The following ANK3 variants were observed in gnomAD, a reference collection of about 807,000 sequenced individuals.
ANK3 encodes the protein ankyrin 3.
ANK3 carries 57 observed loss-of-function variants against 370.9 expected under a neutral mutation model. That is an observed-to-expected ratio of 0.15 (90% CI 0.12 to 0.19). ANK3 has a LOEUF of 0.19. Ranked by LOEUF, ANK3 falls within the 10% of genes least tolerant of loss-of-function variation. ANK3 has a pLI of 1.00. For synonymous variants in ANK3, 1,929 were observed against 1,946.3 expected, an observed-to-expected ratio of 0.99 and a Z score of 0.23; for missense variants, 4,439 against 5,302.1, an observed-to-expected ratio of 0.84 and a Z score of 5.06.
chr10:60,253,309 T>C (rs17806245), intron 7 of ANK3, among the ~76,000 whole-genome samples: 13,406 of 152,126 alleles, frequency 0.088, 793 homozygotes, highest in South Asian at 0.17. Flanking sequence ...TGGACCACAT[T>C]AGTGATTGAT....
At chr10:60,655,211 A>G (rs57964476) in intron 1 of ANK3, among the ~76,000 whole-genome samples, 2 of 151,524 alleles carry the variant, frequency 1.3e-5, no homozygotes, top group South Asian at 4.2e-4. Context: ...TATTTAAAAA[A>G]AAAAAAGAAA....
At chr10:60,610,223 G>T (rs1248596343) in intron 2 of ANK3, among the ~76,000 whole-genome samples, 1 of 152,086 alleles carries the variant, frequency 6.6e-6, no homozygotes, top group Non-Finnish European at 1.5e-5. Context: ...GGCAAGGAGG[G>T]CCCCTTTTGT....
Position 60,170,876 on chromosome 10 carries a change from A to G in ANK3, c.2478+1432T>C, listed in dbSNP as rs141380752. Among the ~76,000 whole-genome samples the G allele has an allele frequency of 2.1e-3, 327 of 152,338 alleles. 3 individuals are homozygous for G. The highest frequency in any genetic ancestry group is 7.6e-3 in the African/African-American group (314 of 41,584). The stretch of plus-strand genomic sequence containing the variant: ...TGTAATGGGTGAGAAAGCCATTTAC[A>G]TTCAACCAAATAAGATGTGTATTTT... On this transcript the variant is annotated intron_variant, in intron 21 of 43. Coordinates refer to ENST00000280772, the MANE Select transcript of ANK3 (RefSeq NM_020987.5).
intron 25 of ANK3, among the ~76,000 whole-genome samples, chr10:60,120,479 T>C (rs780840431): frequency 2.0e-5 from 3 of 151,898 alleles, no homozygotes; most frequent in Non-Finnish European, 4.4e-5. Context: ...TCACATCAAG[T>C]TGAAAAGCTT....
intron 7 of ANK3, among the ~76,000 whole-genome samples, chr10:60,254,666 G>A (rs1467839828): frequency 6.6e-6 from 1 of 152,182 alleles, no homozygotes; most frequent in Non-Finnish European, 1.5e-5. Flanking sequence ...TTGCCCCTCT[G>A]CCTCTGACAT....
intron 1 of ANK3, among the ~76,000 whole-genome samples, chr10:60,731,700 G>A (rs1305098167): frequency 1.3e-5 from 2 of 152,166 alleles, no homozygotes; most frequent in African/African-American, 4.8e-5. Flanking sequence ...TTGAGCCCAG[G>A]TCAGCAGATG....
At chr10:60,515,695 G>T (rs1325357689) in intron 2 of ANK3, among the ~76,000 whole-genome samples, 1 of 152,080 alleles carries the variant, frequency 6.6e-6, no homozygotes, top group East Asian at 1.9e-4. Context: ...CAGGGTTCGT[G>T]GTTACAGCCT....
intron 2 of ANK3, among the ~76,000 whole-genome samples, chr10:60,474,871 G>A (rs188376192): frequency 1.3e-5 from 2 of 152,130 alleles, no homozygotes; most frequent in East Asian, 3.9e-4. Flanking sequence ...TCTAAGTAGT[G>A]GGAATGTAGG....
In ANK3 at chr10:60,042,718, C is replaced by T. The variant is rs779411401; in HGVS notation, c.13107G>A (p.Arg4369=). 7.4e-5 allele frequency: 120 copies of T among 1,613,908 alleles called. 1 individual carries two copies. In the Middle Eastern group the frequency reaches 1.8e-3, roughly 24 times the overall value. ...GFKVKTKKEI[R]HVEKKSHS is the part of the protein sequence containing the mutation. ...ACGAGTGGCTCTTCTTTTCCACATGCCGGATTTCTTTCTTCGTTTTCACCT... is the reference window on the plus strand; with the variant it reads ...ACGAGTGGCTCTTCTTTTCCACATGTCGGATTTCTTTCTTCGTTTTCACCT... Residue 4369 remains arginine (R), a synonymous_variant, in exon 43 of 44, where the codon CGG becomes CGA. Transcript: ENST00000280772.
At chr10:60,502,225 G>A (rs1051725677) in intron 2 of ANK3, among the ~76,000 whole-genome samples, 2 of 152,164 alleles carry the variant, frequency 1.3e-5, no homozygotes, top group Admixed American at 1.3e-4. Context: ...TACAGCCCCT[G>A]TAGCAGCAAC....
At chr10:60,505,755 C>A (rs535820269) in intron 2 of ANK3, among the ~76,000 whole-genome samples, 31 of 152,246 alleles carry the variant, frequency 2.0e-4, no homozygotes, top group African/African-American at 7.5e-4. Flanking sequence ...AAATTTCCAG[C>A]ATCTGTATTA....
intron 1 of ANK3, among the ~76,000 whole-genome samples, chr10:60,367,884 T>C (rs534735843): frequency 3.0e-4 from 46 of 152,302 alleles, no homozygotes; most frequent in African/African-American, 1.0e-3. Context: ...ATCCCCAATA[T>C]TAAAATGTTT....
intron 2 of ANK3, among the ~76,000 whole-genome samples, chr10:60,493,702 A>G (rs143167770): frequency 1.6e-4 from 25 of 152,050 alleles, no homozygotes; most frequent in African/African-American, 5.8e-4. Flanking sequence ...GGCTATATAG[A>G]GATGTAAGAA....
At chr10:60,698,791 T>C (rs1360540603) in intron 1 of ANK3, among the ~76,000 whole-genome samples, 5 of 145,054 alleles carry the variant, frequency 3.4e-5, no homozygotes, top group Admixed American at 3.4e-4. Context: ...TTAGGAGATA[T>C]ACCTAATGCT....
intron 16 of ANK3, among the ~76,000 whole-genome samples, chr10:60,189,076 A>G (rs962054879): frequency 3.9e-5 from 6 of 152,240 alleles, no homozygotes; most frequent in Non-Finnish European, 8.8e-5. Context: ...TGCTATTGAT[A>G]TAATATTCAG....
chr10:60,597,322 A>G lies in ANK3; in HGVS notation c.96+17864T>C, dbSNP rs191303351. ...ATGAGATGGGAAGCAAATAAAACAGACTGCCGAGATATCATAACATGAATG... is the reference window on the plus strand; with the variant it reads ...ATGAGATGGGAAGCAAATAAAACAGGCTGCCGAGATATCATAACATGAATG... On this transcript the variant is annotated intron_variant, in intron 2 of 43. Transcript: ENST00000373827. Among the ~76,000 whole-genome samples the G allele has an allele frequency of 2.7e-3, 412 of 152,318 alleles. 4 individuals carry two copies. Among genetic ancestry groups the G allele is most frequent in the African/African-American group, 9.6e-3 (400 of 41,576 alleles).
chr10:60,093,826 G>A (rs756246873), intron 28 of ANK3, among the ~76,000 whole-genome samples: 18 of 152,158 alleles, frequency 1.2e-4, no homozygotes, highest in Non-Finnish European at 2.4e-4. Flanking sequence ...AAACAGAGAA[G>A]CTCCGAGGAG....
intron 2 of ANK3, among the ~76,000 whole-genome samples, chr10:60,423,591 C>G (rs2132957535): frequency 6.6e-6 from 1 of 151,988 alleles, no homozygotes; most frequent in South Asian, 2.1e-4. Context: ...TGACTATATC[C>G]CTTATGTACT....
intron 1 of ANK3, among the ~76,000 whole-genome samples, chr10:60,290,160 CA>C (rs1209830353): frequency 6.6e-6 from 1 of 152,164 alleles, no homozygotes; most frequent in East Asian, 1.9e-4. Flanking sequence ...CAAACGAAAA[CA>C]ACGGTGACAT....
Sources: gnomAD v4.1 joint callset for allele counts (sites outside exome capture counted in the v4.1 genomes callset) on GRCh38, gnomAD v4.1.1 for gene constraint, MANE v1.5 for transcripts, NCBI Gene and HGNC (gene_info 2026-07-23, HGNC 2026-07-21) for gene names.